The following VTI1A variants were observed in gnomAD, a reference collection of about 807,000 sequenced individuals.
VTI1A encodes the protein vesicle transport through interaction with t-SNAREs 1A.
Under a neutral mutation model 34.9 loss-of-function variants are expected in VTI1A, and 22 were observed. The ratio of observed to expected loss-of-function variants is 0.63; its 90% CI spans 0.45 to 0.90. The LOEUF (loss-of-function observed/expected upper bound fraction) is 0.90. VTI1A is among the 40% of genes least tolerant of loss of function. The probability of loss-of-function intolerance (pLI) is 0.00; values close to 1 mark genes in which losing one functional copy is unlikely to be tolerated. For synonymous variants in VTI1A, 87 were observed against 97.3 expected (o/e 0.89, Z 0.62); for missense variants, 268 against 275.6 (o/e 0.97, Z 0.20).
In VTI1A at chr10:112,614,877, G is replaced by A. The variant is rs897379927; in HGVS notation, c.428-53341G>A. Among the ~76,000 whole-genome samples, 34 of 152,302 alleles carry A rather than the reference G, an allele frequency of 2.2e-4. 1 individual carries two copies. The highest frequency in any genetic ancestry group is 7.9e-4 in the African/African-American group (33 of 41,552). Reference sequence around the variant, plus strand: ...AGAAAGCAAGGTCAGTTTCACAGATGAGAATAGGGACACAAAATGTGCCGT... The same window carrying A: ...AGAAAGCAAGGTCAGTTTCACAGATAAGAATAGGGACACAAAATGTGCCGT... On this transcript the variant is annotated intron_variant, in intron 5 of 7. Coordinates refer to ENST00000393077, the MANE Select transcript of VTI1A (RefSeq NM_145206.4).
At chr10:112,613,479 A>G (rs1356443219) in intron 5 of VTI1A, among the ~76,000 whole-genome samples, 1 of 151,962 alleles carries the variant, frequency 6.6e-6, no homozygotes, top group Non-Finnish European at 1.5e-5. Flanking sequence ...TATGCCTTTC[A>G]CCTTCTCCCC....
chr10:112,562,320 C>G (rs1302400132), intron 5 of VTI1A, among the ~76,000 whole-genome samples: 3 of 152,110 alleles, frequency 2.0e-5, no homozygotes, highest in Non-Finnish European at 4.4e-5. Flanking sequence ...AAGGGCCACA[C>G]TCTTCTGTTT....
At chr10:112,704,919 G>A (rs564673393) in intron 7 of VTI1A, among the ~76,000 whole-genome samples, 2 of 152,098 alleles carry the variant, frequency 1.3e-5, no homozygotes, top group African/African-American at 4.8e-5. Context: ...GCAGGGTCTC[G>A]CTCTGTCGAC....
intron 5 of VTI1A, among the ~76,000 whole-genome samples, chr10:112,665,842 G>A (rs548355063): frequency 1.3e-5 from 2 of 152,062 alleles, no homozygotes; most frequent in African/African-American, 4.8e-5. Flanking sequence ...TACTTACAGG[G>A]GATATGATAC....
chr10:112,709,344 A>C (rs1364762105), intron 7 of VTI1A, among the ~76,000 whole-genome samples: 1 of 152,114 alleles, frequency 6.6e-6, no homozygotes, highest in African/African-American at 2.4e-5. Flanking sequence ...TAGTTCCCTA[A>C]GAGTGTCTGT....
At chr10:112,837,574 G>A in the VTI1A span, among the ~76,000 whole-genome samples, 39 of 152,192 alleles carry the variant, frequency 2.6e-4, no homozygotes, top group Non-Finnish European at 5.0e-4. Flanking sequence ...CTCTATCTCA[G>A]ACATGTGACT....
chr10:112,658,623 C>G (rs1332961875), intron 5 of VTI1A, among the ~76,000 whole-genome samples: 1 of 151,988 alleles, frequency 6.6e-6, no homozygotes, highest in Non-Finnish European at 1.5e-5. Context: ...AATATATAAG[C>G]AAAGAGTCAC....
chr10:112,603,074 GT>G (rs1238812126), intron 5 of VTI1A, among the ~76,000 whole-genome samples: 2 of 152,200 alleles, frequency 1.3e-5, no homozygotes, highest in Non-Finnish European at 2.9e-5. Context: ...GATTCATGGA[GT>G]GGGTTCTTTT....
intron 7 of VTI1A, among the ~76,000 whole-genome samples, chr10:112,799,511 T>C (rs945309814): frequency 3.9e-5 from 6 of 152,136 alleles, no homozygotes; most frequent in African/African-American, 1.2e-4. Context: ...ATGCCCCTGT[T>C]CTCCCAGTCC....
chr10:112,796,419 A>AAAAG lies in VTI1A; in HGVS notation c.561-18869_561-18868insAGAA, dbSNP rs1564929039. Among the ~76,000 whole-genome samples, 6 of 145,876 alleles carry AAAAG rather than the reference A, an allele frequency of 4.1e-5. 1 individual carries two copies. Among genetic ancestry groups the AAAAG allele is most frequent in the Non-Finnish European group, 6.0e-5 (4 of 66,572 alleles). On this transcript the variant is annotated intron_variant, in intron 7 of 7. Transcript: ENST00000393077. ...AGACTCCGTCAAAAAAAAAAAAAAA[A>AAAAG]AAGAAGGCTGTCATGTGTCTGCAAG...
chr10:112,608,512 T>C (rs1469861251), intron 5 of VTI1A, among the ~76,000 whole-genome samples: 1 of 152,160 alleles, frequency 6.6e-6, no homozygotes, highest in Non-Finnish European at 1.5e-5. Context: ...AAATGACCAC[T>C]TAAACCACAT....
At chr10:112,454,628 A>G (rs1847362884) in intron 1 of VTI1A, among the ~76,000 whole-genome samples, 1 of 151,968 alleles carries the variant, frequency 6.6e-6, no homozygotes, top group African/African-American at 2.4e-5. Context: ...CTAATTAAAA[A>G]TGTATTGAGT....
At chr10:112,699,939 T>C (rs1164555204) in intron 7 of VTI1A, among the ~76,000 whole-genome samples, 11 of 151,132 alleles carry the variant, frequency 7.3e-5, no homozygotes, top group Admixed American at 4.0e-4. Flanking sequence ...GCCAAGATGG[T>C]GAAATCCTGT....
intron 7 of VTI1A, among the ~76,000 whole-genome samples, chr10:112,793,572 T>C (rs889011527): frequency 6.6e-6 from 1 of 152,240 alleles, no homozygotes; most frequent in East Asian, 1.9e-4. Context: ...TTTTGTTTGT[T>C]TGTCTTGTGG....
intron 6 of VTI1A, 94 bp downstream of exon 6, chr10:112,668,382 T>C: frequency 3.0e-6 from 4 of 1,338,626 alleles, no homozygotes; most frequent in Admixed American, 2.0e-5. Flanking sequence ...TAGGTAGATA[T>C]ATGTGTGTAA....
chr10:112,483,378 A>G (rs1848514394), intron 3 of VTI1A, among the ~76,000 whole-genome samples: 1 of 152,188 alleles, frequency 6.6e-6, no homozygotes. Flanking sequence ...TTATTTTTGT[A>G]GTCCATGGCA....
chr10:112,697,929 A>G (rs1201801861), intron 7 of VTI1A, among the ~76,000 whole-genome samples: 3 of 150,998 alleles, frequency 2.0e-5, no homozygotes, highest in African/African-American at 7.4e-5. Context: ...CACCCTGTAG[A>G]AAAGCATTAA....
At position 112,490,845 on chromosome 10, in the gene VTI1A, C is replaced by T. The variant is rs1169105547; in HGVS notation, c.264+26188C>T. ...CAAAATTTTTGCTGGCAGCCGGGAC[C>T]TGGCTGCTTTCCAGCTTGCCTCTAG... On this transcript the variant is annotated intron_variant, in intron 3 of 7. Transcript: ENST00000393077. 2.6e-5 allele frequency among the ~76,000 whole-genome samples: 4 copies of T among 152,172 alleles called. No individual in the cohort carries two copies. The East Asian group carries it at 7.7e-4, about 29-fold the overall frequency.
chr10:112,648,797 A>G (rs1259188097), intron 5 of VTI1A, among the ~76,000 whole-genome samples: 5 of 152,188 alleles, frequency 3.3e-5, no homozygotes, highest in Non-Finnish European at 5.9e-5. Context: ...CAGAAGTTTC[A>G]TAGGAGATAA....
Sources: gnomAD v4.1 joint callset for allele counts (sites outside exome capture counted in the v4.1 genomes callset) on GRCh38, gnomAD v4.1.1 for gene constraint, MANE v1.5 for transcripts, NCBI Gene and HGNC (gene_info 2026-07-23, HGNC 2026-07-21) for gene names.